Variants in LAMA3 observed in about 807,000 individuals in gnomAD.
LAMA3 encodes the protein laminin subunit alpha 3.
A neutral mutation model predicts 402.0 loss-of-function variants in LAMA3; 281 were observed. That is an observed-to-expected ratio of 0.70 (90% CI 0.63 to 0.77). The LOEUF is 0.77. Ranked by LOEUF, LAMA3 falls within the 30% of genes least tolerant of loss-of-function variation. The pLI is 0.00. For synonymous variants in LAMA3, 1,431 were observed against 1,558.4 expected, an observed-to-expected ratio of 0.92 and a Z score of 1.93; for missense variants, 3,840 against 4,215.5, an observed-to-expected ratio of 0.91 and a Z score of 2.47.
Position 23,834,002 on chromosome 18 carries a change from C to G in LAMA3, c.2984+14C>G, listed in dbSNP as rs956175818. The G allele has an allele frequency of 3.7e-6, 6 of 1,613,954 alleles. No individual in the cohort carries two copies. In the African/African-American group the frequency reaches 8.0e-5, roughly 22 times the overall value. Reference sequence around the variant, plus strand: ...CTGCAACTACAGGTACTCAGCCCCACCAAGGGAATTCCTCTGTAAAGGAAC... The same window carrying G: ...CTGCAACTACAGGTACTCAGCCCCAGCAAGGGAATTCCTCTGTAAAGGAAC... On this transcript the variant is annotated intron_variant, in intron 24 of 74. Coordinates refer to ENST00000313654, the MANE Select transcript of LAMA3 (RefSeq NM_198129.4).
In LAMA3 at chr18:23,689,882, G is replaced by A; in HGVS notation, c.199G>A (p.Gly67Arg). ...AARIWATATC[G>R]ERGPGEGRPQ... ...GAGGATTTGGGCCACCGCCACCTGC[G>A]GGGAGAGGGGACCCGGCGAGGGGAG... Residue 67 changes from glycine (G) to arginine (R), a missense_variant, in exon 1 of 75, where the codon GGG becomes AGG. By Grantham distance (125) the Gly-to-Arg change is moderately radical. Coordinates refer to ENST00000313654, the MANE Select transcript of LAMA3 (RefSeq NM_198129.4). 6.5e-7 allele frequency: 1 copy of A among 1,542,134 alleles called. No individual in the cohort carries two copies. Among genetic ancestry groups the A allele is most frequent in the Non-Finnish European group, 8.7e-7 (1 of 1,144,004 alleles).
At chr18:23,829,099 C>T (rs527332475) in intron 23 of LAMA3, among the ~76,000 whole-genome samples, 277 of 152,300 alleles carry the variant, frequency 1.8e-3, no homozygotes, top group South Asian at 3.5e-3. Context: ...CCTAGGGAGA[C>T]ACTAACTGAC....
intron 30 of LAMA3, among the ~76,000 whole-genome samples, chr18:23,845,468 C>T (rs928410181): frequency 2.6e-4 from 39 of 152,216 alleles, no homozygotes; most frequent in African/African-American, 9.4e-4. Flanking sequence ...AGGGTACCCT[C>T]CACTGGGAAG....
Position 23,784,139 on chromosome 18 carries a change from T to A in LAMA3, c.1585T>A (p.Ser529Thr). 1 of 1,614,182 alleles carries A rather than the reference T, an allele frequency of 6.2e-7. No homozygotes were observed. Among genetic ancestry groups the A allele is most frequent in the African/African-American group, 1.3e-5 (1 of 75,044 alleles). ...TGATACCTGCCGCTCTGGTTTCTAC[T>A]CATTCCCTATTTGCCAAGGTAAGTG... The part of the protein sequence containing the change: ...RCDTCRSGFY[S>T]FPICQACWCS... The change falls in exon 12 of 75, where the codon TCA becomes ACA. Residue 529 changes from serine to threonine, a missense_variant. Coordinates refer to ENST00000313654, the MANE Select transcript of LAMA3 (RefSeq NM_198129.4).
At chr18:23,938,147 G>A (rs997941250) in intron 67 of LAMA3, among the ~76,000 whole-genome samples, 1 of 152,090 alleles carries the variant, frequency 6.6e-6, no homozygotes, top group Admixed American at 6.6e-5. Context: ...GTTCTGCCTG[G>A]GTTTCTCTTC....
At chr18:23,690,514 G>A (rs2060563417) in intron 1 of LAMA3, among the ~76,000 whole-genome samples, 1 of 152,216 alleles carries the variant, frequency 6.6e-6, no homozygotes, top group Non-Finnish European at 1.5e-5. Context: ...GTCATTGGGG[G>A]CGAATGAGAC....
At chr18:23,776,228 G>A (rs578191049) in intron 10 of LAMA3, among the ~76,000 whole-genome samples, 1 of 152,232 alleles carries the variant, frequency 6.6e-6, no homozygotes, top group East Asian at 1.9e-4. Flanking sequence ...CCTCCTAAAT[G>A]TAGGAGAAAT....
chr18:23,818,807 A>C (rs74949574), intron 18 of LAMA3, among the ~76,000 whole-genome samples: 3 of 152,148 alleles, frequency 2.0e-5, no homozygotes, highest in Non-Finnish European at 4.4e-5. Context: ...ACTTCACATC[A>C]TATTGTAAAT....
chr18:23,816,566 G>A, intron 18 of LAMA3, 79 bp downstream of exon 18: 2 of 1,171,912 alleles, frequency 1.7e-6, no homozygotes, highest in South Asian at 1.3e-5. Context: ...CTACAGCTCT[G>A]GAGAAGAGAG....
chr18:23,897,156 G>A (rs959766458), intron 44 of LAMA3, among the ~76,000 whole-genome samples: 19 of 152,210 alleles, frequency 1.2e-4, no homozygotes, highest in African/African-American at 3.9e-4. Context: ...TCATGGAAAT[G>A]AAAAAATACA....
chr18:23,748,045 T>G lies in LAMA3; in HGVS notation c.550T>G (p.Trp184Gly). The G allele has an allele frequency of 1.9e-6, 3 of 1,599,518 alleles. No individual in the cohort carries two copies. The highest frequency in any genetic ancestry group is 2.6e-6 in the Non-Finnish European group (3 of 1,166,634). The change falls in exon 3 of 75, where the codon TGG (tryptophan) becomes GGG (glycine). Residue 184 changes from tryptophan (W) to glycine (G), a missense_variant. By Grantham distance (184) the Trp-to-Gly change is radical. This residue lies in a region of LAMA3 where 2,109 missense variants were observed against 2,376.0 expected (regional missense o/e 0.89). Transcript: ENST00000313654. ...SVDFGSTYSP[W>G]QYFAHSKVDC... ...AGACTTTGGAAGCACCTACTCACCA[T>G]GGCAATATTTTGCTCGTAAGTAATC... is the stretch of plus-strand genomic sequence containing the variant.
At chr18:23,953,658 T>C (rs2083007332) in intron 74 of LAMA3, among the ~76,000 whole-genome samples, 1 of 152,310 alleles carries the variant, frequency 6.6e-6, no homozygotes, top group South Asian at 2.1e-4. Context: ...CTATAATTTA[T>C]AATCCTTTCT....
chr18:23,912,459 A>G (rs1043973163), intron 55 of LAMA3, among the ~76,000 whole-genome samples: 1 of 152,144 alleles, frequency 6.6e-6, no homozygotes, highest in Non-Finnish European at 1.5e-5. Context: ...GACTAAATGC[A>G]CTGCTCAAAT....
At chr18:23,782,065 A>G (rs2062447944) in intron 11 of LAMA3, among the ~76,000 whole-genome samples, 1 of 152,176 alleles carries the variant, frequency 6.6e-6, no homozygotes, top group Admixed American at 6.5e-5. Context: ...TATTTGAAAA[A>G]TTAAGGGTTT....
intron 5 of LAMA3, among the ~76,000 whole-genome samples, chr18:23,751,362 C>A (rs1037160620): frequency 2.0e-5 from 3 of 152,170 alleles, no homozygotes; most frequent in African/African-American, 7.2e-5. Flanking sequence ...ATTAATACTA[C>A]AGCCAACAAT....
intron 11 of LAMA3, 142 bp downstream of exon 11, chr18:23,777,761 G>C: frequency 2.8e-6 from 2 of 726,578 alleles, no homozygotes; most frequent in South Asian, 3.0e-5. Flanking sequence ...TCTCCTAGTT[G>C]ACCTACTCCC....
Position 23,712,010 on chromosome 18 carries a change from G to C in LAMA3, c.295-1910G>C, listed in dbSNP as rs147358979. On this transcript the variant is annotated intron_variant, in intron 1 of 74. Coordinates refer to ENST00000313654, the MANE Select transcript of LAMA3 (RefSeq NM_198129.4). The stretch of plus-strand genomic sequence containing the variant: ...CCTCATCAAATAACTAAATGTTCTG[G>C]TAAAATGTTCTCTAGGGAGAAATAA... Among the ~76,000 whole-genome samples the C allele has an allele frequency of 2.0e-4, 31 of 152,278 alleles. No individual in the cohort carries two copies. The East Asian group carries it at 5.2e-3, about 26-fold the overall frequency.
chr18:23,889,469 G>T (rs1398812937), intron 41 of LAMA3, among the ~76,000 whole-genome samples: 1 of 152,058 alleles, frequency 6.6e-6, no homozygotes, highest in Non-Finnish European at 1.5e-5. Flanking sequence ...GGCTGAGACA[G>T]AAGGATTGCT....
At chr18:23,928,817 T>G in intron 64 of LAMA3, 52 bp downstream of exon 64, 1 of 1,540,178 alleles carries the variant, frequency 6.5e-7, no homozygotes, top group Non-Finnish European at 9.0e-7. Flanking sequence ...ACTCAAAGTT[T>G]GATGTTAAAA....
Sources: gnomAD v4.1 joint callset for allele counts (sites outside exome capture counted in the v4.1 genomes callset) on GRCh38, gnomAD v4.1.1 for gene constraint, gnomAD v4.1.1 regional missense constraint, MANE v1.5 for transcripts, NCBI Gene and HGNC (gene_info 2026-07-23, HGNC 2026-07-21) for gene names.